NEGR1: variants seen among roughly 807,000 people sequenced by gnomAD.
The protein encoded by NEGR1 is IgLON family member 4.
Under a neutral mutation model 40.9 loss-of-function variants are expected in NEGR1, and 10 were observed. That is an observed-to-expected ratio of 0.24 (90% CI 0.15 to 0.42). The LOEUF is 0.42. NEGR1 is among the 10% of genes least tolerant of loss of function. The pLI is 1.00. For synonymous variants in NEGR1, 185 were observed against 166.8 expected, an observed-to-expected ratio of 1.11 and a Z score of -0.84; for missense variants, 352 against 438.9, an observed-to-expected ratio of 0.80 and a Z score of 1.77.
rs1434614193 is a variant in NEGR1 at position 71,814,858 on chromosome 1, G to A, written c.410-38561C>T. On this transcript the variant is annotated intron_variant, in intron 2 of 6. Coordinates refer to ENST00000357731, the MANE Select transcript of NEGR1 (RefSeq NM_173808.3). ...TTTTATTAATTTTTTCAAAAAACTAGCTCCTGGCTTCATTGATTTTTGAAA... is the reference window on the plus strand; with the variant it reads ...TTTTATTAATTTTTTCAAAAAACTAACTCCTGGCTTCATTGATTTTTGAAA... Among the ~76,000 whole-genome samples, 5 of 151,882 alleles carry A rather than the reference G, an allele frequency of 3.3e-5. No individual in the cohort carries two copies. The East Asian group carries it at 7.7e-4, about 23-fold the overall frequency.
intron 4 of NEGR1, among the ~76,000 whole-genome samples, chr1:71,678,725 T>C (rs1369111355): frequency 6.6e-6 from 1 of 152,140 alleles, no homozygotes; most frequent in Non-Finnish European, 1.5e-5. Context: ...GGCACAGTAT[T>C]GAGAGCAGAG....
At chr1:72,208,195 ATGTG>A (rs573683370) in intron 1 of NEGR1, among the ~76,000 whole-genome samples, 1 of 151,674 alleles carries the variant, frequency 6.6e-6, no homozygotes, top group Non-Finnish European at 1.5e-5. Flanking sequence ...GCCTGCATGC[ATGTG>A]TGTGTGTCTT....
chr1:72,281,435 T>C (rs1002616639), intron 1 of NEGR1, among the ~76,000 whole-genome samples: 5 of 152,066 alleles, frequency 3.3e-5, no homozygotes, highest in African/African-American at 1.2e-4. Context: ...AGTATGTTTA[T>C]GGAAATAAGA....
chr1:71,783,208 T>C (rs1396459786), intron 2 of NEGR1, among the ~76,000 whole-genome samples: 2 of 152,124 alleles, frequency 1.3e-5, no homozygotes, highest in African/African-American at 4.8e-5. Flanking sequence ...TTTTTTGCAC[T>C]CCCATATCTG....
chr1:71,684,507 T>A (rs986323212), intron 4 of NEGR1, among the ~76,000 whole-genome samples: 2 of 152,102 alleles, frequency 1.3e-5, no homozygotes, highest in Non-Finnish European at 2.9e-5. Flanking sequence ...TGTGCGTGTG[T>A]GTGTGTGCGT....
At chr1:71,589,466 T>G (rs1330166749) in intron 6 of NEGR1, among the ~76,000 whole-genome samples, 3 of 152,158 alleles carry the variant, frequency 2.0e-5, no homozygotes, top group Admixed American at 2.0e-4. Context: ...ATTCTGGACT[T>G]TATACCCAGC....
At chr1:72,092,804 C>A (rs1176114933) in intron 1 of NEGR1, among the ~76,000 whole-genome samples, 1 of 151,996 alleles carries the variant, frequency 6.6e-6, no homozygotes, top group South Asian at 2.1e-4. Context: ...ATGTGCACCA[C>A]CAGTCCCAGC....
At chr1:71,438,670 T>A (rs1646526529) in intron 6 of NEGR1, among the ~76,000 whole-genome samples, 1 of 152,234 alleles carries the variant, frequency 6.6e-6, no homozygotes, top group Admixed American at 6.5e-5. Context: ...TTAGTTATGC[T>A]GTGATGAACT....
intron 4 of NEGR1, among the ~76,000 whole-genome samples, chr1:71,637,574 AT>A (rs759859947): frequency 6.6e-5 from 10 of 152,028 alleles, no homozygotes; most frequent in East Asian, 3.9e-4. Flanking sequence ...TTATAAAAAA[AT>A]CTCTATAAAA....
intron 6 of NEGR1, among the ~76,000 whole-genome samples, chr1:71,564,467 A>G (rs1648556408): frequency 6.6e-6 from 1 of 152,100 alleles, no homozygotes; most frequent in African/African-American, 2.4e-5. Context: ...CCACAAAAGA[A>G]CAAAAAATAA....
intron 1 of NEGR1, among the ~76,000 whole-genome samples, chr1:72,278,730 G>A (rs948111311): frequency 6.6e-6 from 1 of 151,588 alleles, no homozygotes; most frequent in Non-Finnish European, 1.5e-5. Flanking sequence ...TTCACAAAAT[G>A]CAACTCAAAA....
intron 2 of NEGR1, among the ~76,000 whole-genome samples, chr1:71,866,185 G>T (rs1570446456): frequency 1.3e-5 from 2 of 151,890 alleles, no homozygotes; most frequent in Admixed American, 6.6e-5. Context: ...CTCTTTCTTG[G>T]GTTACAAAAA....
chr1:71,766,047 G>T (rs892765904), intron 3 of NEGR1, among the ~76,000 whole-genome samples: 1 of 151,966 alleles, frequency 6.6e-6, no homozygotes, highest in Non-Finnish European at 1.5e-5. Context: ...GGTGGCATGC[G>T]CCTGTAATCC....
chr1:71,664,429 C>A (rs954484785), intron 4 of NEGR1, among the ~76,000 whole-genome samples: 10 of 152,190 alleles, frequency 6.6e-5, no homozygotes, highest in Non-Finnish European at 1.2e-4. Context: ...TTTTCTAATA[C>A]TTTTTCTTGT....
Position 71,858,298 on chromosome 1 carries a change from C to A in NEGR1, c.409+76781G>T, listed in dbSNP as rs1036758305. On this transcript the variant is annotated intron_variant, in intron 2 of 6. Coordinates refer to ENST00000357731, the MANE Select transcript of NEGR1 (RefSeq NM_173808.3). ...TCCTTTCTAAAACTCAGATCTGTAT[C>A]ATTTAGAATGCAGTTTGCAGCTATT... Among the ~76,000 whole-genome samples, 142 of 151,958 alleles carry A rather than the reference C, an allele frequency of 9.3e-4. 1 individual carries two copies. Among genetic ancestry groups the A allele is most frequent in the African/African-American group, 3.4e-3 (140 of 41,396 alleles).
intron 2 of NEGR1, among the ~76,000 whole-genome samples, chr1:71,824,015 G>A (rs566124669): frequency 1.6e-3 from 241 of 152,126 alleles, no homozygotes; most frequent in African/African-American, 5.5e-3. Context: ...TCAATGAAAT[G>A]AAATGCAGTC....
intron 1 of NEGR1, among the ~76,000 whole-genome samples, chr1:72,177,050 TATC>T (rs1557564049): frequency 6.6e-6 from 1 of 152,118 alleles, no homozygotes. Flanking sequence ...GAAATAATTA[TATC>T]ATCATCTTCA....
chr1:71,414,607 C>T (rs1005720694), intron 6 of NEGR1, among the ~76,000 whole-genome samples: 6 of 152,316 alleles, frequency 3.9e-5, no homozygotes, highest in African/African-American at 1.4e-4. Context: ...AGATACAGCA[C>T]AGACATGCTC....
At chr1:71,921,324 T>A (rs1645715110) in intron 2 of NEGR1, among the ~76,000 whole-genome samples, 1 of 152,134 alleles carries the variant, frequency 6.6e-6, no homozygotes, top group African/African-American at 2.4e-5. Flanking sequence ...TCTTTACCAG[T>A]TGGGATACAG....
Sources: gnomAD v4.1 joint callset for allele counts (sites outside exome capture counted in the v4.1 genomes callset) on GRCh38, gnomAD v4.1.1 for gene constraint, MANE v1.5 for transcripts, NCBI Gene and HGNC (gene_info 2026-07-23, HGNC 2026-07-21) for gene names.